DACH1: variants seen among roughly 807,000 people sequenced by gnomAD.
DACH1 encodes dachshund homolog 1.
DACH1 carries 12 observed loss-of-function variants against 54.2 expected under a neutral mutation model. The observed-to-expected ratio is 0.22, with a 90% CI of 0.14 to 0.36. The LOEUF (loss-of-function observed/expected upper bound fraction) is 0.36, where lower values mean the gene tolerates loss of function less well. DACH1 is among the 10% of genes least tolerant of loss of function. The pLI is 1.00. For synonymous variants in DACH1, 386 were observed against 366.2 expected (o/e 1.05, Z -0.62); for missense variants, 805 against 929.8 (o/e 0.87, Z 1.75).
intron 1 of DACH1, among the ~76,000 whole-genome samples, chr13:71,860,897 C>T (rs1318588534): frequency 1.3e-5 from 2 of 151,942 alleles, no homozygotes; most frequent in Non-Finnish European, 2.9e-5. Flanking sequence ...TACTTATACT[C>T]TAAAAACAAA....
chr13:71,652,312 C>A, intron 2 of DACH1, among the ~76,000 whole-genome samples: 1 of 152,084 alleles, frequency 6.6e-6, no homozygotes, highest in East Asian at 1.9e-4. Context: ...CTTTCTTTTT[C>A]TGCTTCACAA....
chr13:71,523,826 A>T (rs111686525), intron 6 of DACH1, among the ~76,000 whole-genome samples: 5,375 of 152,238 alleles, frequency 0.035, 141 homozygotes, highest in South Asian at 0.054. Flanking sequence ...GTTTTGTCAT[A>T]AACAGGAAAA....
intron 4 of DACH1, among the ~76,000 whole-genome samples, chr13:71,560,242 TAAAC>T (rs1884504004): frequency 6.6e-6 from 1 of 151,938 alleles, no homozygotes; most frequent in Non-Finnish European, 1.5e-5. Context: ...CGCCCAAAAA[TAAAC>T]AAATAAGAAC....
At chr13:71,666,435 G>A (rs1879839354) in intron 2 of DACH1, among the ~76,000 whole-genome samples, 1 of 152,130 alleles carries the variant, frequency 6.6e-6, no homozygotes, top group African/African-American at 2.4e-5. Context: ...CCCATACGGT[G>A]AGAATTATAA....
At chr13:71,494,464 A>C (rs578006129) in intron 6 of DACH1, among the ~76,000 whole-genome samples, 1 of 152,220 alleles carries the variant, frequency 6.6e-6, no homozygotes, top group East Asian at 1.9e-4. Context: ...GAAGTTGCCT[A>C]TCTGTAGGTT....
At chr13:71,543,606 G>A (rs894782208) in intron 6 of DACH1, among the ~76,000 whole-genome samples, 4 of 152,024 alleles carry the variant, frequency 2.6e-5, no homozygotes, top group Non-Finnish European at 4.4e-5. Context: ...GAGATGCATA[G>A]GGAATCTAAC....
chr13:71,573,870 C>A (rs981663611), intron 3 of DACH1, among the ~76,000 whole-genome samples: 3 of 152,030 alleles, frequency 2.0e-5, no homozygotes, highest in Non-Finnish European at 4.4e-5. Flanking sequence ...ATTATATTAA[C>A]CAGATAATTA....
intron 4 of DACH1, among the ~76,000 whole-genome samples, chr13:71,571,299 G>A (rs1885177893): frequency 1.3e-5 from 2 of 151,982 alleles, no homozygotes; most frequent in African/African-American, 4.8e-5. Context: ...CTACAATGAT[G>A]GGAAGACTTA....
intron 1 of DACH1, among the ~76,000 whole-genome samples, chr13:71,864,899 CAA>C (rs1874619217): frequency 6.6e-6 from 1 of 152,090 alleles, no homozygotes; most frequent in South Asian, 2.1e-4. Flanking sequence ...CATCCCAGTG[CAA>C]AGTGTGCACC....
chr13:71,653,385 G>A (rs1878818459), intron 2 of DACH1, among the ~76,000 whole-genome samples: 1 of 152,094 alleles, frequency 6.6e-6, no homozygotes, highest in South Asian at 2.1e-4. Context: ...AGTGAAGTAT[G>A]ACCGTCAGTC....
intron 2 of DACH1, among the ~76,000 whole-genome samples, chr13:71,653,372 C>A (rs940025404): frequency 1.1e-4 from 17 of 152,214 alleles, no homozygotes; most frequent in African/African-American, 4.1e-4. Flanking sequence ...CAATCTAAGC[C>A]TGAGTGAAGT....
chr13:71,580,845 T>A (rs1243980396), intron 3 of DACH1, among the ~76,000 whole-genome samples: 1 of 152,002 alleles, frequency 6.6e-6, no homozygotes, highest in Non-Finnish European at 1.5e-5. Flanking sequence ...ATTGATTTCA[T>A]CTCTATTATT....
intron 1 of DACH1, among the ~76,000 whole-genome samples, chr13:71,682,931 T>C (rs909155467): frequency 2.0e-5 from 3 of 152,174 alleles, no homozygotes; most frequent in East Asian, 1.9e-4. Context: ...ATGTGCTTTA[T>C]GAAATGCTCT....
At chr13:71,629,673 T>C (rs1876937709) in intron 3 of DACH1, among the ~76,000 whole-genome samples, 1 of 152,106 alleles carries the variant, frequency 6.6e-6, no homozygotes, top group African/African-American at 2.4e-5. Context: ...AAAAGAGAAT[T>C]TAACTGAATG....
intron 3 of DACH1, among the ~76,000 whole-genome samples, chr13:71,591,127 C>T (rs893293196): frequency 6.6e-6 from 1 of 152,016 alleles, no homozygotes; most frequent in East Asian, 1.9e-4. Flanking sequence ...GATCCACCTG[C>T]CTTAGCCTCC....
chr13:71,786,151 A>T (rs990445602), intron 1 of DACH1, among the ~76,000 whole-genome samples: 3 of 152,246 alleles, frequency 2.0e-5, no homozygotes, highest in Non-Finnish European at 2.9e-5. Context: ...AGGCCCTGAA[A>T]AATAAAATAC....
At chr13:71,776,259 C>T (rs1006439318) in intron 1 of DACH1, among the ~76,000 whole-genome samples, 1 of 151,986 alleles carries the variant, frequency 6.6e-6, no homozygotes, top group Admixed American at 6.6e-5. Flanking sequence ...GTTGGCAACA[C>T]CATTATGAAG....
intron 3 of DACH1, among the ~76,000 whole-genome samples, chr13:71,625,802 T>G (rs951943713): frequency 6.6e-6 from 1 of 151,994 alleles, no homozygotes; most frequent in Admixed American, 6.6e-5. Flanking sequence ...TACTAAAGTC[T>G]TACAAGTACT....
chr13:71,645,661 T>A lies in DACH1; in HGVS notation c.965-14944A>T, dbSNP rs540037480. ...TAAAAGTGCAGACAGTAACTCCGAC[T>A]AGTGTTTTTGCTAGACAGACACAAT... On this transcript the variant is annotated intron_variant, in intron 2 of 10. Transcript: ENST00000613252. 1.4e-4 allele frequency among the ~76,000 whole-genome samples: 21 copies of A among 152,366 alleles called. No individual in the cohort carries two copies. In the East Asian group the frequency reaches 2.7e-3, roughly 20 times the overall value.
Sources: allele counts gnomAD v4.1 joint callset (sites outside exome capture counted in the v4.1 genomes callset), GRCh38; gene constraint gnomAD v4.1.1; transcripts MANE v1.5; gene names NCBI Gene and HGNC (gene_info 2026-07-23, HGNC 2026-07-21).